Variants in CEP19 observed in about 807,000 individuals in gnomAD.
CEP19 encodes centrosomal protein 19.
CEP19 carries 14 observed loss-of-function variants against 17.5 expected under a neutral mutation model. The ratio of observed to expected loss-of-function variants is 0.80; its 90% CI spans 0.53 to 1.25. CEP19 has a LOEUF of 1.25. Among genes scored for constraint, CEP19 ranks in the 50% most tolerant of loss-of-function variants. The pLI is 0.00. For missense variants in CEP19, 193 were observed against 192.0 expected (o/e 1.01, Z -0.03); for synonymous variants, 59 against 65.5 (o/e 0.90, Z 0.48).
At position 196,706,356 on chromosome 3, in the gene CEP19, A is replaced by G. The variant is rs907984000; in HGVS notation, c.*1195T>C. Reference sequence around the variant, plus strand: ...ATTTCTACCAACTAAACAATATTGTAATAAGGATAAATGTATCAAATCACA... The same window carrying G: ...ATTTCTACCAACTAAACAATATTGTGATAAGGATAAATGTATCAAATCACA... On this transcript the variant is annotated 3_prime_UTR_variant, in exon 3 of 3. Coordinates refer to ENST00000409690, the MANE Select transcript of CEP19 (RefSeq NM_032898.5). The G allele has an allele frequency of 8.5e-5, 13 of 152,226 alleles. No homozygotes were observed. The highest frequency in any genetic ancestry group is 3.1e-4 in the African/African-American group (13 of 41,466). 9.4% of individuals were successfully genotyped at this position (152,226 alleles called of 1,614,324 possible).
chr3:196,708,440 G>T, intron 2 of CEP19, 88 bp downstream of exon 2: 1 of 1,204,438 alleles, frequency 8.3e-7, no homozygotes, highest in Non-Finnish European at 1.2e-6. Flanking sequence ...TTCATCCAGT[G>T]TCACACATCC....
Sources: allele counts gnomAD v4.1 joint callset, GRCh38; gene constraint gnomAD v4.1.1; transcripts MANE v1.5; gene names NCBI Gene and HGNC (gene_info 2026-07-23, HGNC 2026-07-21).